SMYD3: variants seen among roughly 807,000 people sequenced by gnomAD.
SMYD3 encodes histone-lysine N-methyltransferase SMYD3.
Under a neutral mutation model 57.7 loss-of-function variants are expected in SMYD3, and 36 were observed. The observed-to-expected ratio is 0.62, with a 90% CI of 0.48 to 0.82. The LOEUF (loss-of-function observed/expected upper bound fraction) is 0.82. Among genes scored for constraint, SMYD3 ranks in the 40% least tolerant of loss-of-function variants. The pLI is 0.00. For synonymous variants in SMYD3, 211 were observed against 195.0 expected (o/e 1.08, Z -0.68); for missense variants, 515 against 538.8 (o/e 0.96, Z 0.44).
intron 1 of SMYD3, among the ~76,000 whole-genome samples, chr1:246,378,768 T>TTATTAA (rs2066330007): frequency 8.3e-6 from 1 of 120,408 alleles, no homozygotes; most frequent in Non-Finnish European, 1.6e-5. Context: ...TAATATATTA[T>TTATTAA]ATATAATTTA....
chr1:245,948,026 G>A (rs2057484780), intron 5 of SMYD3, among the ~76,000 whole-genome samples: 3 of 152,096 alleles, frequency 2.0e-5, no homozygotes, highest in Non-Finnish European at 4.4e-5. Context: ...TCAAAATCCA[G>A]TTTTAGCAAA....
Position 246,475,329 on chromosome 1 carries a change from G to GA in SMYD3, c.164+31724dup, listed in dbSNP as rs573868002. On this transcript the variant is annotated intron_variant, in intron 1 of 11. Coordinates refer to ENST00000490107, the MANE Select transcript of SMYD3 (RefSeq NM_001167740.2). ...GGCAACACAGCGAGAGACTGTCTCA[G>GA]AAAAAAAAAAAAAAAAAAGTTTGTA... Among the ~76,000 whole-genome samples the GA allele has an allele frequency of 2.8e-3, 291 of 102,936 alleles. 2 individuals carry two copies. Among genetic ancestry groups the GA allele is most frequent in the Middle Eastern group, 0.011 (2 of 174 alleles). The allele number at this position is 102,936 out of a possible 152,430, so 67.5% of individuals were successfully genotyped here. A position where few individuals can be genotyped will look rare whatever the true frequency, so the allele number is the denominator to read the frequency against.
intron 10 of SMYD3, among the ~76,000 whole-genome samples, chr1:245,815,954 C>A (rs2048780473): frequency 6.6e-6 from 1 of 152,188 alleles, no homozygotes; most frequent in Admixed American, 6.5e-5. Flanking sequence ...ACTGGGACTG[C>A]CTTGCAGCAC....
intron 1 of SMYD3, among the ~76,000 whole-genome samples, chr1:246,384,643 C>T (rs1028902610): frequency 2.0e-5 from 3 of 152,086 alleles, no homozygotes; most frequent in Admixed American, 6.6e-5. Flanking sequence ...GTGATCTGCC[C>T]GCCTCGGCCT....
chr1:246,449,122 CA>C (rs1190658648), intron 1 of SMYD3, among the ~76,000 whole-genome samples: 1 of 152,076 alleles, frequency 6.6e-6, no homozygotes, highest in African/African-American at 2.4e-5. Context: ...TCCAGCTACT[CA>C]GGGGGGACTG....
chr1:245,884,707 C>G lies in SMYD3; in HGVS notation c.814-20821G>C, dbSNP rs867947822. ...GTGGGGACTTGGAGAACTTTTCTGT[C>G]TAGCTAGAGGATTGTAAATGCACCA... On this transcript the variant is annotated intron_variant, in intron 8 of 11. Transcript: ENST00000490107. Among the ~76,000 whole-genome samples, 6 of 152,174 alleles carry G rather than the reference C, an allele frequency of 3.9e-5. No individual in the cohort carries two copies. The Middle Eastern group carries it at 0.017, about 431-fold the overall frequency.
At chr1:246,403,884 A>G (rs1237958479) in intron 1 of SMYD3, among the ~76,000 whole-genome samples, 1 of 152,248 alleles carries the variant, frequency 6.6e-6, no homozygotes, top group Non-Finnish European at 1.5e-5. Context: ...ATTTGTGACA[A>G]GCATAGAAAA....
At chr1:246,109,258 T>C (rs2061185250) in intron 5 of SMYD3, among the ~76,000 whole-genome samples, 1 of 152,214 alleles carries the variant, frequency 6.6e-6, no homozygotes, top group Non-Finnish European at 1.5e-5. Flanking sequence ...CGTAAAATTA[T>C]GTATAGTCTG....
chr1:245,774,077 T>C (rs1467182601), intron 10 of SMYD3, among the ~76,000 whole-genome samples: 1 of 152,170 alleles, frequency 6.6e-6, no homozygotes, highest in Non-Finnish European at 1.5e-5. Flanking sequence ...CTCGATGAAA[T>C]ATTCTAAAAA....
At chr1:246,126,548 A>T (rs933559013) in intron 5 of SMYD3, among the ~76,000 whole-genome samples, 4 of 152,370 alleles carry the variant, frequency 2.6e-5, no homozygotes, top group Admixed American at 6.5e-5. Context: ...GTTGTTCATC[A>T]TTGTGAAAAA....
At chr1:246,277,470 C>A (rs758804168) in intron 5 of SMYD3, among the ~76,000 whole-genome samples, 3 of 152,162 alleles carry the variant, frequency 2.0e-5, no homozygotes, top group Non-Finnish European at 2.9e-5. Context: ...ACCACCACCA[C>A]CACCACCAAC....
At position 245,784,421 on chromosome 1, in the gene SMYD3, A is replaced by G. The variant is rs368519806; in HGVS notation, c.1077-20272T>C. ...TGGGTCAGAAATTCACGAAGGATACAGCAGGGATATCTCCCCTCTGTTCTA... is the reference window on the plus strand; with the variant it reads ...TGGGTCAGAAATTCACGAAGGATACGGCAGGGATATCTCCCCTCTGTTCTA... On this transcript the variant is annotated intron_variant, in intron 10 of 11. Transcript: ENST00000490107. 5.3e-5 allele frequency among the ~76,000 whole-genome samples: 8 copies of G among 152,328 alleles called. 2 individuals are homozygous for G. Among genetic ancestry groups the G allele is most frequent in the African/African-American group, 1.9e-4 (8 of 41,574 alleles).
At chr1:246,053,172 G>A (rs937583701) in intron 5 of SMYD3, 3 of 152,070 alleles carry the variant, frequency 2.0e-5, no homozygotes, top group Non-Finnish European at 4.4e-5. Context: ...TTGAGCCCTG[G>A]AGGTCAAAGT....
intron 1 of SMYD3, among the ~76,000 whole-genome samples, chr1:246,439,057 G>A (rs2067424540): frequency 1.4e-5 from 2 of 143,058 alleles, no homozygotes; most frequent in Non-Finnish European, 3.0e-5. Context: ...TAGTTGTTAT[G>A]CTGTATTGGT....
intron 10 of SMYD3, among the ~76,000 whole-genome samples, chr1:245,807,125 G>C (rs1218789687): frequency 6.6e-6 from 1 of 151,916 alleles, no homozygotes; most frequent in Admixed American, 6.6e-5. Context: ...GTGCAACTGG[G>C]AGGCTTGCTG....
intron 8 of SMYD3, among the ~76,000 whole-genome samples, chr1:245,866,014 C>G (rs967451294): frequency 6.6e-6 from 1 of 152,110 alleles, no homozygotes; most frequent in African/African-American, 2.4e-5. Flanking sequence ...GGGTGAGGAA[C>G]GAGGGACATT....
intron 10 of SMYD3, among the ~76,000 whole-genome samples, chr1:245,777,967 AC>A (rs570633547): frequency 5.3e-5 from 8 of 152,008 alleles, no homozygotes; most frequent in African/African-American, 1.4e-4. Context: ...CCCTGCCCCC[AC>A]CCCCCAAAGA....
At chr1:245,798,433 CAT>C (rs1328072231) in intron 10 of SMYD3, among the ~76,000 whole-genome samples, 3 of 129,114 alleles carry the variant, frequency 2.3e-5, no homozygotes, top group Non-Finnish European at 4.9e-5. Flanking sequence ...CCCCCACACA[CAT>C]ACACACACAT....
intron 2 of SMYD3, among the ~76,000 whole-genome samples, chr1:246,350,453 A>ACTT (rs2065805037): frequency 6.6e-6 from 1 of 152,190 alleles, no homozygotes; most frequent in Non-Finnish European, 1.5e-5. Context: ...AGTACTAAAG[A>ACTT]AGCTGACGAG....
Sources: allele counts gnomAD v4.1 joint callset (sites outside exome capture counted in the v4.1 genomes callset), GRCh38; gene constraint gnomAD v4.1.1; transcripts MANE v1.5; gene names NCBI Gene and HGNC (gene_info 2026-07-23, HGNC 2026-07-21).